ABTB3: variants seen among roughly 807,000 people sequenced by gnomAD.
The protein encoded by ABTB3 is ankyrin repeat- and BTB/POZ domain-containing protein 3.
the ABTB3 span, among the ~76,000 whole-genome samples, chr12:107,362,385 C>T: frequency 1.3e-5 from 2 of 152,206 alleles, no homozygotes; most frequent in African/African-American, 4.8e-5. Flanking sequence ...ATGAGGCCTT[C>T]CATCTCCCCA....
the ABTB3 span, chr12:107,610,219 AG>A: frequency 6.2e-7 from 1 of 1,614,140 alleles, no homozygotes; most frequent in African/African-American, 1.3e-5. Flanking sequence ...GCATCTCGAA[AG>A]CTGGATGCGG....
At chr12:107,429,967 A>C in the ABTB3 span, among the ~76,000 whole-genome samples, 1 of 152,222 alleles carries the variant, frequency 6.6e-6, no homozygotes, top group Non-Finnish European at 1.5e-5. Context: ...ATTATTTACT[A>C]ATAAGCATGA....
At chr12:107,386,025 TTC>T in the ABTB3 span, among the ~76,000 whole-genome samples, 5 of 104,736 alleles carry the variant, frequency 4.8e-5, no homozygotes, top group Non-Finnish European at 1.1e-4. Flanking sequence ...TGACCCAGGG[TTC>T]TCTGGGTTAG....
the ABTB3 span, among the ~76,000 whole-genome samples, chr12:107,405,658 C>G: frequency 1.3e-5 from 2 of 152,244 alleles, no homozygotes; most frequent in African/African-American, 4.8e-5. Context: ...TCTGATCTGC[C>G]AGCTTATGCT....
chr12:107,438,138 G>A, the ABTB3 span, among the ~76,000 whole-genome samples: 5 of 152,082 alleles, frequency 3.3e-5, no homozygotes, highest in African/African-American at 4.8e-5. Context: ...ACCAGGCGCC[G>A]AGGCATCGAG....
chr12:107,478,826 T>C, the ABTB3 span, among the ~76,000 whole-genome samples: 2 of 152,120 alleles, frequency 1.3e-5, no homozygotes, highest in Non-Finnish European at 2.9e-5. Flanking sequence ...ATTCCCACCA[T>C]CTCAGCCACT....
At chr12:107,362,078 A>C in the ABTB3 span, among the ~76,000 whole-genome samples, 1 of 152,182 alleles carries the variant, frequency 6.6e-6, no homozygotes, top group Non-Finnish European at 1.5e-5. Flanking sequence ...TGTGAAAAAG[A>C]AATGTTTGTC....
the ABTB3 span, among the ~76,000 whole-genome samples, chr12:107,393,977 A>G: frequency 6.6e-6 from 1 of 152,178 alleles, no homozygotes; most frequent in Non-Finnish European, 1.5e-5. Flanking sequence ...CAGTGTGCAG[A>G]GAGGTGAGTT....
chr12:107,334,415 G>A, the ABTB3 span, among the ~76,000 whole-genome samples: 4 of 152,156 alleles, frequency 2.6e-5, no homozygotes, highest in Admixed American at 6.5e-5. Context: ...GAGGGAATGA[G>A]GGGGGTTAAG....
At chr12:107,473,074 A>G in the ABTB3 span, among the ~76,000 whole-genome samples, 1 of 152,170 alleles carries the variant, frequency 6.6e-6, no homozygotes, top group Non-Finnish European at 1.5e-5. Flanking sequence ...GAGGACAGAG[A>G]GGTCCTGTGT....
the ABTB3 span, among the ~76,000 whole-genome samples, chr12:107,393,862 G>A: frequency 2.6e-5 from 4 of 152,170 alleles, no homozygotes; most frequent in African/African-American, 7.2e-5. Flanking sequence ...CCTGGGAGGC[G>A]GAGCTTGCAG....
the ABTB3 span, among the ~76,000 whole-genome samples, chr12:107,334,149 G>A: frequency 6.6e-6 from 1 of 152,206 alleles, no homozygotes; most frequent in Non-Finnish European, 1.5e-5. Flanking sequence ...GTAGACTTTA[G>A]CTTTTGTTCT....
chr12:107,653,303 T>TC, the ABTB3 span, among the ~76,000 whole-genome samples: 1 of 152,040 alleles, frequency 6.6e-6, no homozygotes, highest in Non-Finnish European at 1.5e-5. Context: ...GATCACGAGG[T>TC]CAGGAGATCG....
chr12:107,516,035 A>ATGTGTG, the ABTB3 span, among the ~76,000 whole-genome samples: 1 of 125,004 alleles, frequency 8.0e-6, no homozygotes, highest in African/African-American at 3.2e-5. Flanking sequence ...GTGTGTGTGC[A>ATGTGTG]TGTGTGTGTG....
the ABTB3 span, among the ~76,000 whole-genome samples, chr12:107,608,922 TAA>T: frequency 2.8e-4 from 24 of 85,590 alleles, no homozygotes; most frequent in African/African-American, 1.3e-3. Flanking sequence ...TAAAATAAAA[TAA>T]AATAAAATAA....
the ABTB3 span, among the ~76,000 whole-genome samples, chr12:107,358,464 G>T: frequency 6.6e-6 from 1 of 152,320 alleles, no homozygotes; most frequent in South Asian, 2.1e-4. Context: ...GGGGAAAGTG[G>T]AGGATATAAG....
At chr12:107,488,133 G>A in the ABTB3 span, among the ~76,000 whole-genome samples, 11 of 152,020 alleles carry the variant, frequency 7.2e-5, no homozygotes, top group African/African-American at 2.4e-4. Flanking sequence ...CAGATTCAGT[G>A]GGTACCGAGC....
the ABTB3 span, among the ~76,000 whole-genome samples, chr12:107,441,846 G>A: frequency 6.6e-6 from 1 of 151,776 alleles, no homozygotes; most frequent in South Asian, 2.1e-4. Context: ...AGGCTGAAGT[G>A]GGAAGATTGC....
At chr12:107,495,895 A>C in the ABTB3 span, among the ~76,000 whole-genome samples, 1 of 152,210 alleles carries the variant, frequency 6.6e-6, no homozygotes. Context: ...TACATGACAT[A>C]AGATATTAAA....
Sources: gnomAD v4.1 joint callset for allele counts (sites outside exome capture counted in the v4.1 genomes callset) on GRCh38, gnomAD v4.1.1 for gene constraint, MANE v1.5 for transcripts, NCBI Gene and HGNC (gene_info 2026-07-23, HGNC 2026-07-21) for gene names.